Variants in CASC3 observed in about 807,000 individuals in gnomAD.
CASC3 encodes CASC3 exon junction complex subunit.
In CASC3, 30 loss-of-function variants were observed where a neutral mutation model predicts 80.5. The observed-to-expected ratio is 0.37, with a 90% CI of 0.28 to 0.51. The LOEUF is 0.51. Among genes scored for constraint, CASC3 ranks in the 20% least tolerant of loss-of-function variants. CASC3 has a pLI of 0.94. For missense variants in CASC3, 824 were observed against 922.2 expected, an observed-to-expected ratio of 0.89 and a Z score of 1.38; for synonymous variants, 312 against 333.6, an observed-to-expected ratio of 0.94 and a Z score of 0.70.
In CASC3 at chr17:40,171,640, T is replaced by C. The variant is rs1989596156; in HGVS notation, c.*1235T>C. The C allele has an allele frequency of 1.0e-6, 1 of 1,000,498 alleles. No individual in the cohort carries two copies. 62.0% of individuals were successfully genotyped at this position (1,000,498 alleles called of 1,614,324 possible). On this transcript the variant is annotated 3_prime_UTR_variant, in exon 14 of 14. Transcript: ENST00000264645. The stretch of plus-strand genomic sequence containing the variant: ...CAAGGGCTCCTATCTTTCCTCCCTA[T>C]CCATGGCACTAAACCACTTCTCTGC...
Position 40,167,675 on chromosome 17 carries a change from G to C in CASC3, c.1651+63G>C, listed in dbSNP as rs567449814. On this transcript the variant is annotated intron_variant, in intron 9 of 13. Transcript: ENST00000264645. ...AGGGTGAAGTGAAGTAAGATACCAG[G>C]CTCCTGGCTCCTGAATTTCTCTTCT... 4 of 1,354,616 alleles carry C rather than the reference G, an allele frequency of 3.0e-6. No individual in the cohort carries two copies. The Admixed American group carries it at 5.3e-5, about 18-fold the overall frequency. 83.9% of individuals were successfully genotyped at this position (1,354,616 alleles called of 1,614,324 possible).
intron 3 of CASC3, 54 bp downstream of exon 3, chr17:40,141,661 C>T: frequency 3.0e-6 from 4 of 1,316,532 alleles, no homozygotes; most frequent in Non-Finnish European, 4.4e-6. Context: ...TTTTTAAAAA[C>T]GTGTACACAC....
At chr17:40,166,896 G>T (rs753240013) in intron 8 of CASC3, 35 bp downstream of exon 8, 2 of 1,487,120 alleles carry the variant, frequency 1.3e-6, no homozygotes, top group East Asian at 2.3e-5. Context: ...GGGGGAGGGA[G>T]CTGCCTGTTA....
chr17:40,164,691 C>CA (rs1989400549), intron 7 of CASC3, among the ~76,000 whole-genome samples: 1 of 150,448 alleles, frequency 6.6e-6, no homozygotes, highest in South Asian at 2.1e-4. Flanking sequence ...GTGATCCTCC[C>CA]ACCTTGGCTT....
chr17:40,165,770 T>G (rs959697757), intron 7 of CASC3, among the ~76,000 whole-genome samples: 40 of 150,822 alleles, frequency 2.7e-4, no homozygotes, highest in African/African-American at 4.9e-4. Context: ...TTTGTTTTTT[T>G]TTTTTTTTAG....
chr17:40,169,093 G>T, intron 11 of CASC3: 2 of 434,618 alleles, frequency 4.6e-6, no homozygotes, highest in Non-Finnish European at 4.1e-6. Flanking sequence ...TCAGCTGATG[G>T]TAGGAATTAG....
chr17:40,148,103 C>A (rs16965669), intron 3 of CASC3, among the ~76,000 whole-genome samples: 12,162 of 152,048 alleles, frequency 0.08, 1,140 homozygotes, highest in African/African-American at 0.23. Context: ...CTGGTCTTTT[C>A]GAAGGAAGCA....
intron 3 of CASC3, among the ~76,000 whole-genome samples, chr17:40,146,681 G>A (rs952218301): frequency 1.1e-4 from 16 of 150,836 alleles, no homozygotes; most frequent in Non-Finnish European, 1.8e-4. Flanking sequence ...CTGGTGATCC[G>A]CCTGCCTCGG....
At chr17:40,152,438 A>G (rs560375672) in intron 3 of CASC3, among the ~76,000 whole-genome samples, 124 of 150,008 alleles carry the variant, frequency 8.3e-4, no homozygotes, top group African/African-American at 2.9e-3. Context: ...TCTCCTGCCT[A>G]AGCCTCCCAA....
chr17:40,156,033 A>G (rs1337487427), intron 3 of CASC3, among the ~76,000 whole-genome samples: 1 of 152,252 alleles, frequency 6.6e-6, no homozygotes, highest in African/African-American at 2.4e-5. Context: ...GCATAAAACA[A>G]GCTTTCCTTA....
intron 3 of CASC3, among the ~76,000 whole-genome samples, chr17:40,145,566 G>T (rs1263827280): frequency 6.6e-6 from 1 of 152,024 alleles, no homozygotes; most frequent in Non-Finnish European, 1.5e-5. Flanking sequence ...GCATTGTTGG[G>T]ACAGGATAGG....
At chr17:40,161,703 A>G in intron 3 of CASC3, 50 bp from the exon 4 acceptor site, 2 of 1,552,842 alleles carry the variant, frequency 1.3e-6, no homozygotes, top group Non-Finnish European at 1.8e-6. Context: ...GGGAATTAAA[A>G]TGCACCGTTC....
chr17:40,165,644 C>G (rs1226704173), intron 7 of CASC3, among the ~76,000 whole-genome samples: 1 of 152,150 alleles, frequency 6.6e-6, no homozygotes, highest in Non-Finnish European at 1.5e-5. Context: ...ATTTGAAAGG[C>G]AAGCCTCCCT....
At chr17:40,150,087 A>G (rs1988961777) in intron 3 of CASC3, among the ~76,000 whole-genome samples, 1 of 151,942 alleles carries the variant, frequency 6.6e-6, no homozygotes, top group African/African-American at 2.4e-5. Flanking sequence ...TGTGAAATAG[A>G]AGGATAGAGC....
intron 3 of CASC3, among the ~76,000 whole-genome samples, chr17:40,157,378 T>A (rs1989179040): frequency 6.8e-6 from 1 of 147,600 alleles, no homozygotes; most frequent in African/African-American, 2.5e-5. Flanking sequence ...AATTAATTAA[T>A]TAATTAATTA....
At chr17:40,152,006 C>A (rs779284209) in intron 3 of CASC3, among the ~76,000 whole-genome samples, 1 of 152,164 alleles carries the variant, frequency 6.6e-6, no homozygotes, top group African/African-American at 2.4e-5. Context: ...TATATGTGTA[C>A]ATTGTGGAGT....
chr17:40,154,911 A>G (rs1989106449), intron 3 of CASC3, among the ~76,000 whole-genome samples: 1 of 152,176 alleles, frequency 6.6e-6, no homozygotes, highest in African/African-American at 2.4e-5. Flanking sequence ...GTTTTTTGAG[A>G]TGGAGTCTCG....
chr17:40,156,572 C>T (rs541337076), intron 3 of CASC3, among the ~76,000 whole-genome samples: 79 of 152,068 alleles, frequency 5.2e-4, no homozygotes, highest in South Asian at 1.0e-3. Context: ...GCCTGTAGTC[C>T]CACCTACTTG....
chr17:40,164,949 G>T (rs1989411399), intron 7 of CASC3, among the ~76,000 whole-genome samples: 1 of 137,244 alleles, frequency 7.3e-6, no homozygotes. Context: ...TTGAGACAGA[G>T]TCTCACTGTT....
Sources: allele counts gnomAD v4.1 joint callset (sites outside exome capture counted in the v4.1 genomes callset), GRCh38; gene constraint gnomAD v4.1.1; transcripts MANE v1.5; gene names NCBI Gene and HGNC (gene_info 2026-07-23, HGNC 2026-07-21).